The following HDAC8 variants were observed in gnomAD, a reference collection of about 807,000 sequenced individuals.
The protein encoded by HDAC8 is histone deacetylase 8, also known as histone deacetylase-like 1.
A neutral mutation model predicts 32.2 loss-of-function variants in HDAC8; 1 was observed. That is an observed-to-expected ratio of 0.03 (90% CI 0.01 to 0.15). The LOEUF (loss-of-function observed/expected upper bound fraction) is 0.15. Ranked by LOEUF, HDAC8 falls within the 10% of genes least tolerant of loss-of-function variation. HDAC8 has a pLI of 1.00. For missense variants in HDAC8, 117 were observed against 300.0 expected (o/e 0.39, Z 4.51); for synonymous variants, 108 against 113.9 (o/e 0.95, Z 0.33).
chrX:72,353,308 G>A (rs1350668020), intron 9 of HDAC8, among the ~76,000 whole-genome samples: 1 of 112,120 alleles, frequency 8.9e-6, no homozygotes, highest in Non-Finnish European at 1.9e-5. Flanking sequence ...TTAATTAAAA[G>A]AAAAATGGCC....
chrX:72,442,202 T>G lies in HDAC8; in HGVS notation c.1005+19802A>C, dbSNP rs189898290. On this transcript the variant is annotated intron_variant, in intron 9 of 10. Coordinates refer to ENST00000373573, the MANE Select transcript of HDAC8 (RefSeq NM_018486.3). Reference sequence around the variant, plus strand: ...ACAGAGAACACCACAAAGATGCTCCTCGAGAAGAGCAACTCCAAGACACGT... The same window carrying G: ...ACAGAGAACACCACAAAGATGCTCCGCGAGAAGAGCAACTCCAAGACACGT... Among the ~76,000 whole-genome samples the G allele has an allele frequency of 2.7e-3, 298 of 110,142 alleles. 2 individuals are homozygous for G. Among genetic ancestry groups the G allele is most frequent in the African/African-American group, 9.0e-3 (273 of 30,230 alleles).
chrX:72,459,558 T>A (rs782200850), intron 9 of HDAC8, among the ~76,000 whole-genome samples: 40 of 111,398 alleles, frequency 3.6e-4, no homozygotes, highest in Non-Finnish European at 6.2e-4. Flanking sequence ...TATTTTCAGC[T>A]CATGGAGGGC....
At chrX:72,529,788 T>C (rs1374293464) in intron 4 of HDAC8, among the ~76,000 whole-genome samples, 1 of 111,897 alleles carries the variant, frequency 8.9e-6, no homozygotes, top group Non-Finnish European at 1.9e-5. Context: ...AAATCTCATG[T>C]TGAATTGTGT....
intron 4 of HDAC8, among the ~76,000 whole-genome samples, chrX:72,505,190 G>C (rs1329296902): frequency 1.3e-4 from 14 of 111,050 alleles, no homozygotes; most frequent in African/African-American, 4.3e-4. Flanking sequence ...CGATTCTGCA[G>C]GTTGTTGTTT....
intron 9 of HDAC8, among the ~76,000 whole-genome samples, chrX:72,418,318 A>C (rs1298934011): frequency 2.7e-5 from 3 of 111,586 alleles, no homozygotes; most frequent in Admixed American, 9.5e-5. Context: ...ATGCATCTAT[A>C]AGGAACTTAA....
In HDAC8 at chrX:72,374,995, T is replaced by G. The variant is rs781972378; in HGVS notation, c.1006-23157A>C. On this transcript the variant is annotated intron_variant, in intron 9 of 10. Transcript: ENST00000373573. ...CACCACACCCAGCTAATTTTTAAAT[T>G]TTTTGTAGAGACGGGGGTCCCATTA... 3.6e-5 allele frequency among the ~76,000 whole-genome samples: 4 copies of G among 110,456 alleles called. No homozygotes were observed. The South Asian group carries it at 1.5e-3, about 43-fold the overall frequency.
intron 9 of HDAC8, among the ~76,000 whole-genome samples, chrX:72,414,449 C>T (rs1251880324): frequency 2.7e-5 from 3 of 111,729 alleles, no homozygotes; most frequent in Non-Finnish European, 5.6e-5. Flanking sequence ...AGCGAAATAA[C>T]TAATACAAAG....
intron 4 of HDAC8, among the ~76,000 whole-genome samples, chrX:72,540,250 C>T (rs1451268682): frequency 2.7e-5 from 3 of 112,404 alleles, no homozygotes; most frequent in African/African-American, 6.5e-5. Flanking sequence ...GAAATACTAA[C>T]CACTGTTAAT....
intron 4 of HDAC8, among the ~76,000 whole-genome samples, chrX:72,557,073 C>T (rs782697672): frequency 9.0e-5 from 10 of 110,889 alleles, no homozygotes; most frequent in African/African-American, 2.3e-4. Context: ...AAAATTAGCC[C>T]GGCATGGTGG....
At chrX:72,455,997 T>A in intron 9 of HDAC8, among the ~76,000 whole-genome samples, 1 of 112,044 alleles carries the variant, frequency 8.9e-6, no homozygotes, top group Middle Eastern at 4.6e-3. Context: ...AGAATATCCA[T>A]AATTATCTGA....
intron 9 of HDAC8, among the ~76,000 whole-genome samples, chrX:72,446,754 A>T (rs1438282812): frequency 9.0e-6 from 1 of 111,273 alleles, no homozygotes; most frequent in Non-Finnish European, 1.9e-5. Context: ...GATAAAGGGG[A>T]TATCACCACT....
At chrX:72,405,523 C>A (rs1274231337) in intron 9 of HDAC8, among the ~76,000 whole-genome samples, 2 of 112,251 alleles carry the variant, frequency 1.8e-5, no homozygotes, top group African/African-American at 3.2e-5. Context: ...GTCTTCAGGT[C>A]TTTGAGGAAT....
intron 9 of HDAC8, among the ~76,000 whole-genome samples, chrX:72,376,329 T>C (rs1301479829): frequency 4.4e-5 from 5 of 112,677 alleles, no homozygotes; most frequent in Non-Finnish European, 1.9e-5. Context: ...TTTGCTGAGC[T>C]TTGCAAAGAA....
chrX:72,417,197 G>A (rs782161590), intron 9 of HDAC8, among the ~76,000 whole-genome samples: 62 of 111,050 alleles, frequency 5.6e-4, no homozygotes, highest in Admixed American at 1.1e-3. Context: ...TACTCTCATC[G>A]CTCCTATTCA....
intron 9 of HDAC8, among the ~76,000 whole-genome samples, chrX:72,418,499 G>C (rs1226555902): frequency 8.9e-6 from 1 of 111,798 alleles, no homozygotes; most frequent in East Asian, 2.8e-4. Flanking sequence ...TTTTATACCA[G>C]TCAGAATAAC....
chrX:72,507,549 C>T (rs1312566439), intron 4 of HDAC8, among the ~76,000 whole-genome samples: 1 of 111,961 alleles, frequency 8.9e-6, no homozygotes, highest in Non-Finnish European at 1.9e-5. Context: ...CATCCTTCCT[C>T]ACAACTCCCA....
At chrX:72,385,628 CA>C (rs2045403624) in intron 9 of HDAC8, among the ~76,000 whole-genome samples, 1 of 111,592 alleles carries the variant, frequency 9.0e-6, no homozygotes, top group African/African-American at 3.3e-5. Context: ...GGTCTACTCT[CA>C]AATTTGAGGG....
At position 72,357,116 on chromosome X, in the gene HDAC8, G is replaced by T. The variant is rs187418376; in HGVS notation, c.1006-5278C>A. On this transcript the variant is annotated intron_variant, in intron 9 of 10. Coordinates refer to ENST00000373573, the MANE Select transcript of HDAC8 (RefSeq NM_018486.3). Reference sequence around the variant, plus strand: ...AAGATAGCATCAATAGGGTTAAACAGTAAATTGCATGTGGGGAATAAGGAA... The same window carrying T: ...AAGATAGCATCAATAGGGTTAAACATTAAATTGCATGTGGGGAATAAGGAA... 1.3e-3 allele frequency among the ~76,000 whole-genome samples: 143 copies of T among 109,705 alleles called. 2 individuals are homozygous for T. The Middle Eastern group carries it at 0.029, about 22-fold the overall frequency.
At chrX:72,441,379 G>A (rs1367232231) in intron 9 of HDAC8, among the ~76,000 whole-genome samples, 3 of 111,996 alleles carry the variant, frequency 2.7e-5, no homozygotes, top group South Asian at 3.7e-4. Context: ...CGTGGTTCAC[G>A]AAAATCCACT....
Sources: gnomAD v4.1 joint callset for allele counts (sites outside exome capture counted in the v4.1 genomes callset) on GRCh38, gnomAD v4.1.1 for gene constraint, MANE v1.5 for transcripts, NCBI Gene and HGNC (gene_info 2026-07-23, HGNC 2026-07-21) for gene names.